The following PHF3 variants were observed in gnomAD, a reference collection of about 807,000 sequenced individuals.
PHF3 encodes the protein PHD finger protein 3.
In PHF3, 41 loss-of-function variants were observed where a neutral mutation model predicts 178.4. The observed-to-expected ratio is 0.23, with a 90% CI of 0.18 to 0.30. The LOEUF is 0.30. Ranked by LOEUF, PHF3 falls within the 10% of genes least tolerant of loss-of-function variation. The pLI, the probability that PHF3 is intolerant of heterozygous loss-of-function variation, is 1.00. For synonymous variants in PHF3, 842 were observed against 800.5 expected (o/e 1.05, Z -0.88); for missense variants, 2,346 against 2,398.1 (o/e 0.98, Z 0.45).
Position 63,685,104 on chromosome 6 carries a change from C to G in PHF3, c.1382C>G (p.Ser461Cys), listed in dbSNP as rs775617680. Residue 461 changes from serine (S) to cysteine (C), a missense_variant, in exon 4 of 16, where the codon TCC becomes TGC. This residue lies in a region of PHF3 where 843 missense variants were observed against 795.2 expected (regional missense o/e 1.06). Coordinates refer to ENST00000262043, the MANE Select transcript of PHF3 (RefSeq NM_001370348.2). ...GCTATAGAAAGTACTAAAATAGAGT[C>G]CCATGAAACAGCAAACCTTCAGGAT... is the stretch of plus-strand genomic sequence containing the variant. Reference protein sequence around the residue: ...LNAIESTKIESHETANLQDDR... With the variant: ...LNAIESTKIECHETANLQDDR... 5 of 1,613,874 alleles carry G rather than the reference C, an allele frequency of 3.1e-6. No individual in the cohort carries two copies. The highest frequency in any genetic ancestry group is 3.4e-6 in the Non-Finnish European group (4 of 1,179,988).
intron 3 of PHF3, among the ~76,000 whole-genome samples, chr6:63,683,226 C>A (rs1766516230): frequency 6.6e-6 from 1 of 151,790 alleles, no homozygotes; most frequent in Admixed American, 6.6e-5. Context: ...GAACTACGAG[C>A]AACACCTGGA....
intron 2 of PHF3, among the ~76,000 whole-genome samples, chr6:63,660,503 G>A (rs1765420726): frequency 6.6e-6 from 1 of 152,034 alleles, no homozygotes. Context: ...AATATGCTAG[G>A]CAGTGGACAT....
At position 63,663,094 on chromosome 6, in the gene PHF3, C is replaced by T. The variant is rs149413916; in HGVS notation, c.244+16299C>T. Among the ~76,000 whole-genome samples, 351 of 152,300 alleles carry T rather than the reference C, an allele frequency of 2.3e-3. 3 individuals are homozygous for T. The highest frequency in any genetic ancestry group is 0.018 in the Admixed American group (278 of 15,290). ...TTTTCTTAACCTTAGTTTTGACCTC[C>T]TTTTCCTTTGTCTAATTAGCCTCAT... is the stretch of plus-strand genomic sequence containing the variant. On this transcript the variant is annotated intron_variant, in intron 2 of 15. Coordinates refer to ENST00000262043, the MANE Select transcript of PHF3 (RefSeq NM_001370348.2).
At position 63,720,450 on chromosome 6, in the gene PHF3, C is replaced by T. The variant is rs1354477050; in HGVS notation, c.*6742C>T. 1.7e-6 allele frequency: 1 copy of T among 594,488 alleles called. No homozygotes were observed. Among genetic ancestry groups the T allele is most frequent in the African/African-American group, 1.9e-5 (1 of 52,176 alleles). The allele number at this position is 594,488 out of a possible 1,614,324, so 36.8% of individuals were successfully genotyped here. A position where few individuals can be genotyped will look rare whatever the true frequency, so the allele number is the denominator to read the frequency against. ...AATCAGAACCTTCAGTGACATTTTA[C>T]AATCTTATCAAAAAGATATGTTAGC... is the stretch of plus-strand genomic sequence containing the variant. On this transcript the variant is annotated 3_prime_UTR_variant, in exon 16 of 16. Coordinates refer to ENST00000262043, the MANE Select transcript of PHF3 (RefSeq NM_001370348.2).
rs1768263659 is a variant in PHF3 at position 63,718,694 on chromosome 6, A to G, written c.*4986A>G. On this transcript the variant is annotated 3_prime_UTR_variant, in exon 16 of 16. Coordinates refer to ENST00000262043, the MANE Select transcript of PHF3 (RefSeq NM_001370348.2). ...GGAGGACTCTGGATTCCTTGAAAAG[A>G]TCGCAGGGGTTCTTGGACCATAGTT... is the stretch of plus-strand genomic sequence containing the variant. Among the ~76,000 whole-genome samples, 1 of 152,022 alleles carries G rather than the reference A, an allele frequency of 6.6e-6. No homozygotes were observed.
Position 63,660,190 on chromosome 6 carries a change from G to GA in PHF3, c.244+13400dup, listed in dbSNP as rs555899127. Among the ~76,000 whole-genome samples, 8 of 152,130 alleles carry GA rather than the reference G, an allele frequency of 5.3e-5. No homozygotes were observed. In the East Asian group the frequency reaches 1.5e-3, roughly 29 times the overall value. On this transcript the variant is annotated intron_variant, in intron 2 of 15. Transcript: ENST00000262043. ...TATTAAAGACCAAGCAATTTAGACA[G>GA]AAAAATAGTCATTGGCCAGTGATTT...
intron 1 of PHF3, among the ~76,000 whole-genome samples, chr6:63,639,032 T>G (rs1764466180): frequency 6.6e-6 from 1 of 152,024 alleles, no homozygotes; most frequent in Non-Finnish European, 1.5e-5. Context: ...TGTATTAGAG[T>G]TAAAGGGGAA....
At position 63,719,546 on chromosome 6, in the gene PHF3, C is replaced by T. The variant is rs935224685; in HGVS notation, c.*5838C>T. 6.6e-6 allele frequency among the ~76,000 whole-genome samples: 1 copy of T among 152,066 alleles called. No homozygotes were observed. Among genetic ancestry groups the T allele is most frequent in the Non-Finnish European group, 1.5e-5 (1 of 67,968 alleles). On this transcript the variant is annotated 3_prime_UTR_variant, in exon 16 of 16. Coordinates refer to ENST00000262043, the MANE Select transcript of PHF3 (RefSeq NM_001370348.2). ...ACAACAGCAGTAACTGCTTTCCAAC[C>T]TGCAGTGGTGGACTGGGAGTGGGAA...
chr6:63,654,643 A>T (rs1173023503), intron 2 of PHF3, among the ~76,000 whole-genome samples: 1 of 152,190 alleles, frequency 6.6e-6, no homozygotes, highest in African/African-American at 2.4e-5. Context: ...GATATTTGGA[A>T]GTTTATCATA....
chr6:63,690,610 G>A (rs1246265075), intron 4 of PHF3, among the ~76,000 whole-genome samples: 1 of 152,010 alleles, frequency 6.6e-6, no homozygotes, highest in Admixed American at 6.6e-5. Context: ...TGGTACTATT[G>A]GTGGTGCCAC....
chr6:63,680,097 A>C lies in PHF3; in HGVS notation c.342A>C (p.Leu114Phe). Residue 114 changes from leucine to phenylalanine, a missense_variant, in exon 3 of 16, where the codon TTA becomes TTC. Physicochemically the swap from Leu to Phe is conservative, Grantham distance 22. Transcript: ENST00000262043. ...EEELILPNRN[L>F]RDKVEENSVR... ...AACTGATTTTACCTAACAGGAACTT[A>C]AGGGACAAGGTAGAAGAAAATTCAG... 1.2e-6 allele frequency: 2 copies of C among 1,612,880 alleles called. No homozygotes were observed. The highest frequency in any genetic ancestry group is 2.2e-5 in the South Asian group (2 of 90,924).
chr6:63,689,966 G>A (rs1444123862), intron 4 of PHF3, among the ~76,000 whole-genome samples: 3 of 152,150 alleles, frequency 2.0e-5, no homozygotes, highest in Non-Finnish European at 4.4e-5. Flanking sequence ...ATTCATGTTA[G>A]ACAGTTGCTT....
rs1768055700 is a variant in PHF3 at position 63,713,396 on chromosome 6, A to G, written c.5808A>G (p.Glu1936=). The G allele has an allele frequency of 6.2e-7, 1 of 1,614,048 alleles. No homozygotes were observed. Among genetic ancestry groups the G allele is most frequent in the Non-Finnish European group, 8.5e-7 (1 of 1,179,970 alleles). Residue 1936 remains glutamate, a synonymous_variant, in exon 16 of 16, where the codon GAA becomes GAG. Coordinates refer to ENST00000262043, the MANE Select transcript of PHF3 (RefSeq NM_001370348.2). ...ACCATTTGAAAAGAGAGCGACATGA[A>G]AAGGAATGGGAGCAAGAATCTGAAA... The part of the protein sequence containing the change: ...DSHHLKRERH[E]KEWEQESERH...
intron 11 of PHF3, 121 bp downstream of exon 11, chr6:63,703,792 C>CA: frequency 1.1e-6 from 1 of 900,456 alleles, no homozygotes; most frequent in Non-Finnish European, 1.7e-6. Flanking sequence ...GGCACTCACT[C>CA]ACAGTCTTTA....
chr6:63,674,876 A>G (rs958235885), intron 2 of PHF3, among the ~76,000 whole-genome samples: 3 of 152,206 alleles, frequency 2.0e-5, no homozygotes, highest in Non-Finnish European at 2.9e-5. Flanking sequence ...CCAAATGTGA[A>G]GAGTCCCTCC....
chr6:63,642,033 A>AT (rs1764599323), intron 1 of PHF3, among the ~76,000 whole-genome samples: 1 of 152,204 alleles, frequency 6.6e-6, no homozygotes, highest in African/African-American at 2.4e-5. Flanking sequence ...TTGTTAGTAT[A>AT]AACTAAACCT....
At chr6:63,647,135 T>G (rs916487339) in intron 2 of PHF3, among the ~76,000 whole-genome samples, 1 of 151,950 alleles carries the variant, frequency 6.6e-6, no homozygotes, top group Non-Finnish European at 1.5e-5. Context: ...TTGGGACTCT[T>G]TAGTAAATAG....
At position 63,712,728 on chromosome 6, in the gene PHF3, G is replaced by A. The variant is rs777583930; in HGVS notation, c.5140G>A (p.Asp1714Asn). The change falls in exon 16 of 16, where the codon GAC becomes AAC. Residue 1714 changes from aspartate to asparagine, a missense_variant. Transcript: ENST00000262043. ...AEKNSCVQQS[D>N]NLKVAQNSPS... ...GAAAAACTCGTGTGTTCAGCAGAGT[G>A]ACAATTTAAAAGTTGCACAAAACTC... The A allele has an allele frequency of 2.5e-6, 4 of 1,613,834 alleles. No individual in the cohort carries two copies. The highest frequency in any genetic ancestry group is 1.1e-5 in the South Asian group (1 of 91,056).
At position 63,715,022 on chromosome 6, in the gene PHF3, G is replaced by A. The variant is rs574720660; in HGVS notation, c.*1314G>A. 1 of 152,020 alleles carries A rather than the reference G, an allele frequency of 6.6e-6. No individual in the cohort carries two copies. Among genetic ancestry groups the A allele is most frequent in the African/African-American group, 2.4e-5 (1 of 41,510 alleles). 9.4% of individuals were successfully genotyped at this position (152,020 alleles called of 1,614,324 possible). A position where few individuals can be genotyped will look rare whatever the true frequency, so the allele number is the denominator to read the frequency against. ...AACCTTCCAAAATACAAAAGAAAGAGAACTCTATTATTTACTTACCTGTAT... is the reference window on the plus strand; with the variant it reads ...AACCTTCCAAAATACAAAAGAAAGAAAACTCTATTATTTACTTACCTGTAT... On this transcript the variant is annotated 3_prime_UTR_variant, in exon 16 of 16. Coordinates refer to ENST00000262043, the MANE Select transcript of PHF3 (RefSeq NM_001370348.2).
Sources: gnomAD v4.1 joint callset for allele counts (sites outside exome capture counted in the v4.1 genomes callset) on GRCh38, gnomAD v4.1.1 for gene constraint, gnomAD v4.1.1 regional missense constraint, MANE v1.5 for transcripts, NCBI Gene and HGNC (gene_info 2026-07-23, HGNC 2026-07-21) for gene names.